Variants in SLC4A4 observed in about 807,000 individuals in gnomAD.
SLC4A4 encodes the protein solute carrier family 4 member 4, also known as electrogenic sodium bicarbonate cotransporter 1.
A neutral mutation model predicts 111.5 loss-of-function variants in SLC4A4; 27 were observed. The ratio of observed to expected loss-of-function variants is 0.24; its 90% CI spans 0.18 to 0.33. SLC4A4 has a LOEUF of 0.33. SLC4A4 is among the 10% of genes least tolerant of loss of function. The pLI is 1.00. For synonymous variants in SLC4A4, 443 were observed against 463.4 expected, an observed-to-expected ratio of 0.96 and a Z score of 0.57; for missense variants, 909 against 1,315.5, an observed-to-expected ratio of 0.69 and a Z score of 4.78.
chr4:71,205,692 T>G lies in SLC4A4; in HGVS notation c.-2+18291T>G, dbSNP rs552415177. Among the ~76,000 whole-genome samples, 4 of 152,292 alleles carry G rather than the reference T, an allele frequency of 2.6e-5. No individual in the cohort carries two copies. In the South Asian group the frequency reaches 8.3e-4, roughly 32 times the overall value. ...AAACAAAAGGTCAGTTTCTAGCTAT[T>G]GACTCCTCCAAAATTTGAATGAAAA... On this transcript the variant is annotated intron_variant, in intron 1 of 25. Transcript: ENST00000264485.
At chr4:71,506,561 G>C (rs1046781215) in intron 16 of SLC4A4, among the ~76,000 whole-genome samples, 4 of 152,102 alleles carry the variant, frequency 2.6e-5, no homozygotes, top group African/African-American at 7.2e-5. Context: ...CTTAGCTGAA[G>C]TTGCTTAGCA....
chr4:71,342,648 T>A (rs907325628), intron 4 of SLC4A4, among the ~76,000 whole-genome samples: 3 of 152,220 alleles, frequency 2.0e-5, no homozygotes, highest in African/African-American at 7.2e-5. Context: ...TCATAGAGTA[T>A]AATTCAGGTG....
intron 18 of SLC4A4, among the ~76,000 whole-genome samples, chr4:71,536,481 T>TAC (rs2149217344): frequency 9.9e-6 from 1 of 101,450 alleles, no homozygotes; most frequent in African/African-American, 3.5e-5. Flanking sequence ...TATATATATA[T>TAC]ATATATGTAT....
chr4:71,563,747 T>C (rs1336662548), intron 23 of SLC4A4, 46 bp from the exon 24 acceptor site: 4 of 1,130,394 alleles, frequency 3.5e-6, no homozygotes, highest in Admixed American at 3.4e-5. Context: ...TAGGAAGGGC[T>C]GTATAATAAA....
At chr4:71,511,198 T>G (rs929500416) in intron 16 of SLC4A4, among the ~76,000 whole-genome samples, 1 of 152,264 alleles carries the variant, frequency 6.6e-6, no homozygotes, top group East Asian at 1.9e-4. Flanking sequence ...ACACTTACTT[T>G]TATCAGTGAG....
intron 3 of SLC4A4, among the ~76,000 whole-genome samples, chr4:71,315,220 G>A (rs16846254): frequency 0.011 from 1,658 of 152,164 alleles, 30 homozygotes; most frequent in African/African-American, 0.035. Flanking sequence ...ATTGGTATCA[G>A]ACCTAAAACT....
At chr4:71,436,820 G>A (rs1724198637) in intron 7 of SLC4A4, among the ~76,000 whole-genome samples, 1 of 151,750 alleles carries the variant, frequency 6.6e-6, no homozygotes, top group Non-Finnish European at 1.5e-5. Context: ...TAAATCAAAT[G>A]CACCTTTTTT....
intron 16 of SLC4A4, among the ~76,000 whole-genome samples, chr4:71,498,925 G>T (rs1730656439): frequency 6.6e-6 from 1 of 152,088 alleles, no homozygotes; most frequent in Admixed American, 6.6e-5. Flanking sequence ...TGTTTTCCCA[G>T]CTCTGTGTTG....
At chr4:71,456,799 A>G (rs1325218350) in intron 12 of SLC4A4, among the ~76,000 whole-genome samples, 1 of 152,146 alleles carries the variant, frequency 6.6e-6, no homozygotes, top group Non-Finnish European at 1.5e-5. Context: ...AGTGGGGTGT[A>G]GTGGGCTTAT....
At chr4:71,338,943 G>A (rs1010584924) in intron 3 of SLC4A4, 2 of 718,276 alleles carry the variant, frequency 2.8e-6, no homozygotes, top group Admixed American at 3.4e-5. Flanking sequence ...GCGGGGACTT[G>A]GGGGATCTCA....
intron 12 of SLC4A4, among the ~76,000 whole-genome samples, chr4:71,461,254 C>G (rs1032099479): frequency 6.6e-6 from 1 of 152,046 alleles, no homozygotes; most frequent in African/African-American, 2.4e-5. Context: ...TTTGATGCCA[C>G]CTTTATCTTC....
At chr4:71,439,385 G>A (rs891001889) in intron 7 of SLC4A4, among the ~76,000 whole-genome samples, 21 of 119,014 alleles carry the variant, frequency 1.8e-4, no homozygotes, top group African/African-American at 5.3e-4. Context: ...CCGAGATCGC[G>A]CCACTGCACC....
chr4:71,206,331 A>C (rs1278153690), intron 1 of SLC4A4, among the ~76,000 whole-genome samples: 1 of 152,226 alleles, frequency 6.6e-6, no homozygotes, highest in Non-Finnish European at 1.5e-5. Flanking sequence ...CAATAATCTC[A>C]TGAAACTATA....
At chr4:71,435,196 G>T (rs2149047553) in intron 7 of SLC4A4, among the ~76,000 whole-genome samples, 1 of 152,222 alleles carries the variant, frequency 6.6e-6, no homozygotes, top group South Asian at 2.1e-4. Flanking sequence ...GCATGGTACT[G>T]GTACCAAAAC....
At chr4:71,454,834 G>C (rs1047851879) in intron 12 of SLC4A4, among the ~76,000 whole-genome samples, 2 of 152,070 alleles carry the variant, frequency 1.3e-5, no homozygotes, top group African/African-American at 4.8e-5. Flanking sequence ...GCTGGATGGT[G>C]GGTTGGCTCA....
intron 2 of SLC4A4, among the ~76,000 whole-genome samples, chr4:71,095,867 G>A (rs868181225): frequency 1.3e-5 from 2 of 152,184 alleles, no homozygotes; most frequent in Admixed American, 1.3e-4. Context: ...CTCTGGAAGG[G>A]ATATGTAGTC....
chr4:71,475,951 T>TAGG (rs1209075449), intron 14 of SLC4A4, among the ~76,000 whole-genome samples: 1 of 151,814 alleles, frequency 6.6e-6, no homozygotes, highest in Admixed American at 6.6e-5. Flanking sequence ...TCCTTCCTTC[T>TAGG]AGGCATACAT....
At chr4:71,362,556 G>A (rs752908583) in intron 6 of SLC4A4, among the ~76,000 whole-genome samples, 12 of 152,164 alleles carry the variant, frequency 7.9e-5, no homozygotes, top group Non-Finnish European at 1.3e-4. Context: ...TTGCTCTGTA[G>A]CTTACTATTT....
At chr4:71,313,921 G>C (rs1243166198) in intron 3 of SLC4A4, among the ~76,000 whole-genome samples, 4 of 152,132 alleles carry the variant, frequency 2.6e-5, no homozygotes, top group Admixed American at 2.0e-4. Flanking sequence ...TGATAAATGG[G>C]ATCTAATTAA....
Sources: allele counts gnomAD v4.1 joint callset (sites outside exome capture counted in the v4.1 genomes callset), GRCh38; gene constraint gnomAD v4.1.1; transcripts MANE v1.5; gene names NCBI Gene and HGNC (gene_info 2026-07-23, HGNC 2026-07-21).